Variants in TMEM132D observed in about 807,000 individuals in gnomAD.
The protein encoded by TMEM132D is transmembrane protein 132D.
TMEM132D carries 21 observed loss-of-function variants against 62.3 expected under a neutral mutation model. That is an observed-to-expected ratio of 0.34 (90% CI 0.24 to 0.49). TMEM132D has a LOEUF of 0.49. Ranked by LOEUF, TMEM132D falls within the 20% of genes least tolerant of loss-of-function variation. The pLI is 0.99. For synonymous variants in TMEM132D, 621 were observed against 575.6 expected, an observed-to-expected ratio of 1.08 and a Z score of -1.13; for missense variants, 1,346 against 1,402.8, an observed-to-expected ratio of 0.96 and a Z score of 0.65.
At chr12:129,388,769 C>A (rs2135692299) in intron 3 of TMEM132D, among the ~76,000 whole-genome samples, 2 of 126,982 alleles carry the variant, frequency 1.6e-5, no homozygotes, top group Admixed American at 1.5e-4. Flanking sequence ...CTAACACCAA[C>A]ACCAATCCAG....
intron 1 of TMEM132D, among the ~76,000 whole-genome samples, chr12:129,716,099 C>A (rs1868562410): frequency 6.6e-6 from 1 of 152,202 alleles, no homozygotes; most frequent in African/African-American, 2.4e-5. Context: ...GTCCTAAAGT[C>A]TCCTAACTCC....
At chr12:129,445,869 G>T (rs895046630) in intron 3 of TMEM132D, among the ~76,000 whole-genome samples, 5 of 152,166 alleles carry the variant, frequency 3.3e-5, no homozygotes, top group Admixed American at 2.6e-4. Context: ...CCTCTGCAGG[G>T]GAATGAAGGA....
chr12:129,865,479 G>A (rs1338541687), intron 1 of TMEM132D, among the ~76,000 whole-genome samples: 1 of 152,126 alleles, frequency 6.6e-6, no homozygotes, highest in African/African-American at 2.4e-5. Flanking sequence ...GCTCATCACG[G>A]AGCCTGCAAT....
At chr12:129,733,111 G>C (rs1869303962) in intron 1 of TMEM132D, among the ~76,000 whole-genome samples, 1 of 152,146 alleles carries the variant, frequency 6.6e-6, no homozygotes, top group Admixed American at 6.5e-5. Context: ...AGCATTTCCT[G>C]AGTTGTGTGC....
At chr12:129,425,883 T>A (rs1027576469) in intron 3 of TMEM132D, among the ~76,000 whole-genome samples, 12 of 152,170 alleles carry the variant, frequency 7.9e-5, no homozygotes, top group Non-Finnish European at 1.5e-4. Context: ...ACATAGGCAA[T>A]GGAGCAACGA....
intron 4 of TMEM132D, among the ~76,000 whole-genome samples, chr12:129,215,667 GT>G (rs1170239987): frequency 2.0e-5 from 3 of 152,156 alleles, no homozygotes; most frequent in African/African-American, 7.2e-5. Context: ...ACTATTAATA[GT>G]TAAGTGCAGG....
chr12:129,130,012 G>GCT (rs1555231630), intron 5 of TMEM132D, among the ~76,000 whole-genome samples: 2 of 67,898 alleles, frequency 2.9e-5, no homozygotes, highest in Non-Finnish European at 6.5e-5. Context: ...TCAAAGCTCT[G>GCT]CTCTGTGTGT....
intron 2 of TMEM132D, among the ~76,000 whole-genome samples, chr12:129,648,677 T>C (rs907925227): frequency 1.3e-5 from 2 of 152,248 alleles, no homozygotes; most frequent in African/African-American, 4.8e-5. Flanking sequence ...TCAATTGGTA[T>C]ACAAGTCAAT....
chr12:129,642,383 C>T (rs1164764033), intron 2 of TMEM132D, among the ~76,000 whole-genome samples: 1 of 152,246 alleles, frequency 6.6e-6, no homozygotes, highest in East Asian at 1.9e-4. Flanking sequence ...GCATGCATAG[C>T]ATTTGGAAGC....
intron 1 of TMEM132D, among the ~76,000 whole-genome samples, chr12:129,859,459 A>G (rs900293392): frequency 6.6e-6 from 1 of 152,242 alleles, no homozygotes; most frequent in Non-Finnish European, 1.5e-5. Context: ...GTGATGGTTA[A>G]TATTGGATGT....
At chr12:129,119,018 G>A (rs377585549) in intron 5 of TMEM132D, among the ~76,000 whole-genome samples, 18 of 152,352 alleles carry the variant, frequency 1.2e-4, no homozygotes, top group African/African-American at 4.3e-4. Context: ...GCCTTCTCAA[G>A]AGAGGGGCAA....
intron 1 of TMEM132D, among the ~76,000 whole-genome samples, chr12:129,781,462 G>A (rs1871117642): frequency 6.6e-6 from 1 of 152,130 alleles, no homozygotes; most frequent in Admixed American, 6.5e-5. Context: ...ATGATTATTT[G>A]TCAATTTAAA....
chr12:129,796,243 A>G (rs529071956), intron 1 of TMEM132D, among the ~76,000 whole-genome samples: 1 of 152,142 alleles, frequency 6.6e-6, no homozygotes, highest in Non-Finnish European at 1.5e-5. Flanking sequence ...TTTGGGCTAA[A>G]TCTTTTTTGG....
chr12:129,228,764 C>T (rs1879552264), intron 4 of TMEM132D, among the ~76,000 whole-genome samples: 1 of 152,200 alleles, frequency 6.6e-6, no homozygotes, highest in Admixed American at 6.5e-5. Context: ...TAACAAAAAT[C>T]AATTCCGATG....
chr12:129,283,771 C>T (rs548358135), intron 4 of TMEM132D, among the ~76,000 whole-genome samples: 1 of 152,264 alleles, frequency 6.6e-6, no homozygotes, highest in South Asian at 2.1e-4. Flanking sequence ...GCATTTTGTC[C>T]AAGTGCTTCT....
chr12:129,430,138 G>A (rs1872613384), intron 3 of TMEM132D, among the ~76,000 whole-genome samples: 1 of 152,138 alleles, frequency 6.6e-6, no homozygotes, highest in African/African-American at 2.4e-5. Flanking sequence ...TCTAGTTCTA[G>A]ATCCCTGATG....
chr12:129,302,146 T>A (rs1881730553), intron 4 of TMEM132D, among the ~76,000 whole-genome samples: 1 of 152,232 alleles, frequency 6.6e-6, no homozygotes, highest in Non-Finnish European at 1.5e-5. Flanking sequence ...GACGAAGTCT[T>A]GCTCTCTTGC....
At chr12:129,739,161 G>A (rs1038505612) in intron 1 of TMEM132D, among the ~76,000 whole-genome samples, 6 of 152,180 alleles carry the variant, frequency 3.9e-5, no homozygotes, top group African/African-American at 9.7e-5. Context: ...TGAGGAGGTG[G>A]GTGGGTTATG....
At chr12:129,587,395 G>A (rs1225418884) in intron 2 of TMEM132D, among the ~76,000 whole-genome samples, 1 of 152,164 alleles carries the variant, frequency 6.6e-6, no homozygotes. Context: ...ATGTGAGGGT[G>A]GAAGGTGGGA....
Sources: allele counts gnomAD v4.1 joint callset (sites outside exome capture counted in the v4.1 genomes callset), GRCh38; gene constraint gnomAD v4.1.1; transcripts MANE v1.5; gene names NCBI Gene and HGNC (gene_info 2026-07-23, HGNC 2026-07-21).